The following MAPK4 variants were observed in gnomAD, a reference collection of about 807,000 sequenced individuals.
MAPK4 encodes Erk3-related.
Under a neutral mutation model 47.7 loss-of-function variants are expected in MAPK4, and 22 were observed. The observed-to-expected ratio is 0.46, with a 90% CI of 0.33 to 0.66. The LOEUF (loss-of-function observed/expected upper bound fraction) is 0.66, where lower values mean the gene tolerates loss of function less well. Ranked by LOEUF, MAPK4 falls within the 30% of genes least tolerant of loss-of-function variation. The pLI is 0.02. For missense variants in MAPK4, 736 were observed against 831.7 expected (o/e 0.88, Z 1.42); for synonymous variants, 390 against 365.7 (o/e 1.07, Z -0.76).
Position 50,664,291 on chromosome 18 carries a change from C to A in MAPK4, c.333C>A (p.Asp111Glu). The A allele has an allele frequency of 6.2e-7, 1 of 1,613,504 alleles. No individual in the cohort carries two copies. Among genetic ancestry groups the A allele is most frequent in the Non-Finnish European group, 8.5e-7 (1 of 1,179,718 alleles). ...TCGTCCAGGAGTACATGGAGACCGA[C>A]CTGGCACGCCTGCTGGAGCAGGGCA... ...AYIVQEYMETDLARLLEQGTL... is the reference protein window; with the variant it reads ...AYIVQEYMETELARLLEQGTL... Residue 111 changes from aspartate (D) to glutamate (E), a missense_variant, in exon 2 of 6, where the codon GAC becomes GAA. Transcript: ENST00000400384. This position sits in a 1 kb window ranked among gnomAD's most constrained non-coding sequence, Gnocchi z 6.0.
At chr18:50,665,132 C>T (rs1230772598) in intron 2 of MAPK4, among the ~76,000 whole-genome samples, 3 of 152,216 alleles carry the variant, frequency 2.0e-5, no homozygotes, top group South Asian at 2.1e-4. Flanking sequence ...GGTACTATTG[C>T]GATTCCCCGT....
chr18:50,652,273 T>C (rs79417726), intron 1 of MAPK4, among the ~76,000 whole-genome samples: 2,112 of 152,316 alleles, frequency 0.014, 22 homozygotes, highest in Non-Finnish European at 0.02. Flanking sequence ...AACAGGGAGA[T>C]GCAATCGCTG....
chr18:50,572,231 C>T (rs967999795), intron 1 of MAPK4, among the ~76,000 whole-genome samples: 3 of 152,032 alleles, frequency 2.0e-5, no homozygotes, highest in African/African-American at 7.2e-5. Flanking sequence ...CAGAGAAGAA[C>T]GTTAGGGTAC....
At chr18:50,633,486 G>A (rs1161202336) in intron 1 of MAPK4, among the ~76,000 whole-genome samples, 3 of 152,192 alleles carry the variant, frequency 2.0e-5, no homozygotes, top group Admixed American at 6.5e-5. Flanking sequence ...CTGGCGCAGA[G>A]ACTGTTCTAG....
chr18:50,604,619 C>T (rs2042567698), intron 1 of MAPK4, among the ~76,000 whole-genome samples: 1 of 152,222 alleles, frequency 6.6e-6, no homozygotes, highest in Non-Finnish European at 1.5e-5. Flanking sequence ...AATAAAGCAG[C>T]CCCTTTTCTA....
At chr18:50,703,407 G>A (rs765055942) in intron 2 of MAPK4, among the ~76,000 whole-genome samples, 4 of 152,146 alleles carry the variant, frequency 2.6e-5, no homozygotes, top group Non-Finnish European at 4.4e-5. Context: ...TTTATAACAC[G>A]CAGCCACCTG....
chr18:50,568,038 T>C (rs2042216334), intron 1 of MAPK4, among the ~76,000 whole-genome samples: 1 of 151,438 alleles, frequency 6.6e-6, no homozygotes, highest in Non-Finnish European at 1.5e-5. Context: ...CTACTAAAAA[T>C]ACAAAAAATT....
In MAPK4 at chr18:50,713,752, T is replaced by A. The variant is rs532080587; in HGVS notation, c.547-1327T>A. Among the ~76,000 whole-genome samples the A allele has an allele frequency of 5.3e-5, 8 of 152,324 alleles. No homozygotes were observed. In the South Asian group the frequency reaches 1.7e-3, roughly 32 times the overall value. On this transcript the variant is annotated intron_variant, in intron 2 of 5. Transcript: ENST00000400384. Reference sequence around the variant, plus strand: ...GGGATATCCCTCATGGAATGTACACTGTCAAATGCACAAAGGACAGAAGAA... The same window carrying A: ...GGGATATCCCTCATGGAATGTACACAGTCAAATGCACAAAGGACAGAAGAA...
chr18:50,694,353 A>G (rs1334633008), intron 2 of MAPK4, among the ~76,000 whole-genome samples: 1 of 152,122 alleles, frequency 6.6e-6, no homozygotes, highest in Admixed American at 6.5e-5. Context: ...CCATGGGCCA[A>G]ACACGTCCCC....
intron 1 of MAPK4, among the ~76,000 whole-genome samples, chr18:50,567,915 G>A (rs192805902): frequency 6.4e-4 from 98 of 152,030 alleles, no homozygotes; most frequent in Non-Finnish European, 1.2e-3. Context: ...AAAGAATTCC[G>A]GCTGGGCGCA....
rs1407604759 is a variant in MAPK4, at chr18:50,640,033, A to G, written c.-870-23056A>G. On this transcript the variant is annotated intron_variant, in intron 1 of 5. Coordinates refer to ENST00000400384, the MANE Select transcript of MAPK4 (RefSeq NM_002747.4). ...ATATGTCACAAACCTTTTATTCTAC[A>G]AGGGAACATTAGAGCAAGATATTCA... Among the ~76,000 whole-genome samples the G allele has an allele frequency of 2.0e-5, 3 of 152,350 alleles. No individual in the cohort carries two copies. The East Asian group carries it at 5.8e-4, about 29-fold the overall frequency.
At chr18:50,723,707 A>C (rs926837265) in intron 4 of MAPK4, among the ~76,000 whole-genome samples, 2 of 152,220 alleles carry the variant, frequency 1.3e-5, no homozygotes, top group Admixed American at 1.3e-4. Context: ...CACTAAAAAT[A>C]TAACAAATTA....
At chr18:50,617,817 A>T (rs2042698015) in intron 1 of MAPK4, among the ~76,000 whole-genome samples, 1 of 152,188 alleles carries the variant, frequency 6.6e-6, no homozygotes, top group Non-Finnish European at 1.5e-5. Flanking sequence ...CTCATTTTCT[A>T]TCTCTGTGAC....
intron 2 of MAPK4, chr18:50,669,445 G>A (rs947350883): frequency 6.6e-6 from 1 of 152,216 alleles, no homozygotes; most frequent in Non-Finnish European, 1.5e-5. Context: ...GCTCCAGGAA[G>A]GGCCACCTCT....
At chr18:50,696,525 A>G (rs1909521110) in intron 2 of MAPK4, among the ~76,000 whole-genome samples, 1 of 152,206 alleles carries the variant, frequency 6.6e-6, no homozygotes, top group African/African-American at 2.4e-5. Flanking sequence ...CCTTGGAAAG[A>G]GGCAAATGAA....
chr18:50,587,506 C>A (rs1369080913), intron 1 of MAPK4, among the ~76,000 whole-genome samples: 1 of 152,110 alleles, frequency 6.6e-6, no homozygotes, highest in Admixed American at 6.6e-5. Flanking sequence ...TGGGGTGACT[C>A]AAAAGGGCAA....
At chr18:50,561,297 C>G (rs1318636195) in intron 1 of MAPK4, among the ~76,000 whole-genome samples, 1 of 152,246 alleles carries the variant, frequency 6.6e-6, no homozygotes, top group Non-Finnish European at 1.5e-5. Context: ...TCCACAACTG[C>G]TCAGTAGCCA....
At chr18:50,677,878 C>T (rs1327099455) in intron 2 of MAPK4, among the ~76,000 whole-genome samples, 1 of 152,176 alleles carries the variant, frequency 6.6e-6, no homozygotes, top group Non-Finnish European at 1.5e-5. Flanking sequence ...TACCTCCCCA[C>T]CCAGAGTGGC....
At chr18:50,683,273 C>G (rs1319787439) in intron 2 of MAPK4, among the ~76,000 whole-genome samples, 1 of 152,106 alleles carries the variant, frequency 6.6e-6, no homozygotes, top group Non-Finnish European at 1.5e-5. Flanking sequence ...GCAAGCACCA[C>G]CATGCCCAGC....
Sources: gnomAD v4.1 joint callset for allele counts (sites outside exome capture counted in the v4.1 genomes callset) on GRCh38, gnomAD v4.1.1 for gene constraint, Gnocchi (gnomAD v3.1) non-coding constraint, MANE v1.5 for transcripts, NCBI Gene and HGNC (gene_info 2026-07-23, HGNC 2026-07-21) for gene names.